The following DPP10 variants were observed in gnomAD, a reference collection of about 807,000 sequenced individuals.
DPP10 encodes the protein dipeptidyl peptidase like 10.
DPP10 carries 33 observed loss-of-function variants against 120.9 expected under a neutral mutation model. The ratio of observed to expected loss-of-function variants is 0.27; its 90% CI spans 0.21 to 0.37. DPP10 has a LOEUF of 0.37. Among genes scored for constraint, DPP10 ranks in the 10% least tolerant of loss-of-function variants. The probability of loss-of-function intolerance (pLI) is 1.00; values close to 1 mark genes in which losing one functional copy is unlikely to be tolerated. For synonymous variants in DPP10, 337 were observed against 326.1 expected, an observed-to-expected ratio of 1.03 and a Z score of -0.36; for missense variants, 816 against 942.8, an observed-to-expected ratio of 0.87 and a Z score of 1.76.
At chr2:115,033,711 T>A (rs1573378972) in intron 1 of DPP10, among the ~76,000 whole-genome samples, 1 of 135,482 alleles carries the variant, frequency 7.4e-6, no homozygotes, top group East Asian at 2.1e-4. Context: ...TTTTTTTTTT[T>A]ATTTTTAGAG....
intron 3 of DPP10, among the ~76,000 whole-genome samples, chr2:115,382,571 C>G (rs144612987): frequency 1.3e-5 from 2 of 152,180 alleles, no homozygotes; most frequent in Non-Finnish European, 2.9e-5. Context: ...ATTCGGCCAT[C>G]TTCTAATAGT....
At chr2:115,169,323 G>T (rs1342076484) in intron 1 of DPP10, among the ~76,000 whole-genome samples, 1 of 152,104 alleles carries the variant, frequency 6.6e-6, no homozygotes, top group Admixed American at 6.6e-5. Context: ...ATGCTATCGT[G>T]CTTCTAGATC....
chr2:115,813,504 CT>C (rs1686886020), intron 19 of DPP10, among the ~76,000 whole-genome samples: 1 of 152,100 alleles, frequency 6.6e-6, no homozygotes, highest in Admixed American at 6.5e-5. Context: ...ACTTAGTTAC[CT>C]TTTTAAAGGA....
At chr2:114,491,017 A>T (rs1681952066) in intron 1 of DPP10, among the ~76,000 whole-genome samples, 1 of 152,184 alleles carries the variant, frequency 6.6e-6, no homozygotes, top group African/African-American at 2.4e-5. Context: ...AGTGCCCATT[A>T]TGCCCTGGCA....
intron 1 of DPP10, among the ~76,000 whole-genome samples, chr2:115,239,311 A>G (rs189195169): frequency 6.6e-6 from 1 of 152,348 alleles, no homozygotes; most frequent in Non-Finnish European, 1.5e-5. Context: ...AAACAGCATC[A>G]CATGCCACAG....
At chr2:115,498,132 T>C (rs1193467442) in intron 3 of DPP10, among the ~76,000 whole-genome samples, 1 of 152,066 alleles carries the variant, frequency 6.6e-6, no homozygotes, top group African/African-American at 2.4e-5. Flanking sequence ...ACTTTCCCTG[T>C]TTCCCAGGCC....
At chr2:114,926,317 T>C (rs1423901379) in intron 1 of DPP10, among the ~76,000 whole-genome samples, 1 of 152,218 alleles carries the variant, frequency 6.6e-6, no homozygotes, top group Non-Finnish European at 1.5e-5. Flanking sequence ...TATTCACCAC[T>C]GCGAGCTATT....
At chr2:115,063,126 T>C (rs1706552632) in intron 1 of DPP10, among the ~76,000 whole-genome samples, 1 of 152,186 alleles carries the variant, frequency 6.6e-6, no homozygotes. Context: ...TTTATTTGCA[T>C]TTCTCTAATG....
At chr2:114,560,472 G>C (rs971692735) in intron 1 of DPP10, among the ~76,000 whole-genome samples, 1 of 152,170 alleles carries the variant, frequency 6.6e-6, no homozygotes, top group Admixed American at 6.5e-5. Context: ...AGATTTGTGA[G>C]GGAGAAGTTG....
intron 3 of DPP10, among the ~76,000 whole-genome samples, chr2:115,492,199 C>G (rs1308320201): frequency 6.6e-6 from 1 of 152,104 alleles, no homozygotes; most frequent in African/African-American, 2.4e-5. Context: ...CTGTGAATGA[C>G]TGAATGGTGG....
chr2:115,067,241 TTTTG>T (rs1028581893), intron 1 of DPP10, among the ~76,000 whole-genome samples: 11 of 151,944 alleles, frequency 7.2e-5, no homozygotes, highest in South Asian at 4.1e-4. Flanking sequence ...ATGTCCTTTT[TTTTG>T]TTTGTTTGTT....
intron 1 of DPP10, among the ~76,000 whole-genome samples, chr2:115,090,067 T>C (rs981898020): frequency 2.0e-5 from 3 of 152,174 alleles, no homozygotes; most frequent in Non-Finnish European, 4.4e-5. Context: ...CTAATTTTTG[T>C]TGATCCTCAC....
intron 1 of DPP10, chr2:115,233,895 C>CTTA: frequency 1.9e-6 from 1 of 513,468 alleles, no homozygotes. Context: ...CTGTCTCTCC[C>CTTA]TTAGCCCTTC....
At chr2:114,984,603 G>A (rs1700285427) in intron 1 of DPP10, among the ~76,000 whole-genome samples, 1 of 152,048 alleles carries the variant, frequency 6.6e-6, no homozygotes, top group Non-Finnish European at 1.5e-5. Context: ...TCCAGCTTGG[G>A]AAACATAGCA....
chr2:114,625,199 G>T (rs1357259492), intron 1 of DPP10, among the ~76,000 whole-genome samples: 2 of 151,832 alleles, frequency 1.3e-5, no homozygotes, highest in Non-Finnish European at 2.9e-5. Context: ...TTTTGTTGTT[G>T]TATTGTTGAA....
chr2:115,587,736 A>C (rs1039117244), intron 5 of DPP10, among the ~76,000 whole-genome samples: 2 of 152,200 alleles, frequency 1.3e-5, no homozygotes, highest in African/African-American at 2.4e-5. Flanking sequence ...AAATCCTGCC[A>C]CTTGTGACAT....
At chr2:115,201,127 G>GT (rs2055677537) in intron 1 of DPP10, among the ~76,000 whole-genome samples, 1 of 152,070 alleles carries the variant, frequency 6.6e-6, no homozygotes, top group Non-Finnish European at 1.5e-5. Flanking sequence ...CTCTGAAAGC[G>GT]TATCTTTGGT....
intron 1 of DPP10, among the ~76,000 whole-genome samples, chr2:115,040,813 C>A (rs1436297081): frequency 6.6e-6 from 1 of 152,064 alleles, no homozygotes; most frequent in African/African-American, 2.4e-5. Context: ...TCGCCTTCTG[C>A]CATGATTGAA....
In DPP10 at chr2:114,899,601, A is replaced by G. The variant is rs543457755; in HGVS notation, c.61-409638A>G. On this transcript the variant is annotated intron_variant, in intron 1 of 25. Transcript: ENST00000410059. Reference sequence around the variant, plus strand: ...TTCATGGGTTTTTGAAGCTTATGTAATGAAATCATCAGTTTTATTCTTTTC... The same window carrying G: ...TTCATGGGTTTTTGAAGCTTATGTAGTGAAATCATCAGTTTTATTCTTTTC... Among the ~76,000 whole-genome samples, 353 of 150,292 alleles carry G rather than the reference A, an allele frequency of 2.3e-3. 1 individual carries two copies. The highest frequency in any genetic ancestry group is 8.4e-3 in the African/African-American group (341 of 40,786).
Sources: gnomAD v4.1 joint callset for allele counts (sites outside exome capture counted in the v4.1 genomes callset) on GRCh38, gnomAD v4.1.1 for gene constraint, MANE v1.5 for transcripts, NCBI Gene and HGNC (gene_info 2026-07-23, HGNC 2026-07-21) for gene names.